VSIG1: variants seen among roughly 807,000 people sequenced by gnomAD.
The protein encoded by VSIG1 is V-set and immunoglobulin domain containing 1.
A neutral mutation model predicts 20.1 loss-of-function variants in VSIG1; 11 were observed. That is an observed-to-expected ratio of 0.55 (90% confidence interval 0.34 to 0.91). The LOEUF is 0.91. Ranked by LOEUF, VSIG1 falls within the 40% of genes least tolerant of loss-of-function variation. The pLI is 0.02. For missense variants in VSIG1, 283 were observed against 298.8 expected, an observed-to-expected ratio of 0.95 and a Z score of 0.39; for synonymous variants, 126 against 116.7, an observed-to-expected ratio of 1.08 and a Z score of -0.52.
chrX:108,043,800 AG>A (rs1489597687), upstream of VSIG1, among the ~76,000 whole-genome samples: 1 of 112,166 alleles, frequency 8.9e-6, no homozygotes, highest in Non-Finnish European at 1.9e-5. Context: ...TGTAAATTAA[AG>A]ACAGGAACAT....
chrX:108,076,049 T>C, intron 5 of VSIG1, 28 bp from the exon 6 acceptor site: 2 of 1,208,411 alleles, frequency 1.7e-6, no homozygotes, highest in Middle Eastern at 4.6e-4. Context: ...ATATTCCACT[T>C]TATTAACCAG....
the VSIG1 span, among the ~76,000 whole-genome samples, chrX:108,019,616 C>G: frequency 8.9e-6 from 1 of 112,187 alleles, no homozygotes; most frequent in Admixed American, 9.3e-5. Flanking sequence ...CTGTCCTTTG[C>G]ACATGAGAAT....
intron 2 of VSIG1, among the ~76,000 whole-genome samples, chrX:108,062,437 C>T (rs1015516790): frequency 8.1e-5 from 9 of 111,518 alleles, no homozygotes; most frequent in African/African-American, 2.9e-4. Context: ...AGTTCTTCCC[C>T]ACCCCACCAT....
At chrX:108,057,990 T>C (rs957466609) in intron 1 of VSIG1, 48 bp from the exon 2 acceptor site, 1 of 1,124,030 alleles carries the variant, frequency 8.9e-7, no homozygotes, top group Non-Finnish European at 1.2e-6. Flanking sequence ...AACAGTGTTA[T>C]CAGAATTTGA....
intron 1 of VSIG1, among the ~76,000 whole-genome samples, chrX:108,047,793 TATATATATATATATACATATATATATAC>T (rs1256423491): frequency 1.4e-5 from 1 of 72,458 alleles, no homozygotes; most frequent in Non-Finnish European, 2.5e-5. Flanking sequence ...TCTCTCTCTA[TATATATATATATATACATATATATATAC>T]ATATATATAC....
the VSIG1 span, among the ~76,000 whole-genome samples, chrX:108,029,547 T>A: frequency 4.5e-5 from 5 of 112,231 alleles, no homozygotes; most frequent in Non-Finnish European, 9.4e-5. Context: ...AGGCCATTAG[T>A]AAAGAATGTG....
chrX:108,033,650 C>T, the VSIG1 span, among the ~76,000 whole-genome samples: 1 of 111,172 alleles, frequency 9.0e-6, no homozygotes, highest in Non-Finnish European at 1.9e-5. Context: ...TCTGCCCTGC[C>T]CAGACGGGGC....
the VSIG1 span, among the ~76,000 whole-genome samples, chrX:108,025,007 T>C: frequency 3.6e-5 from 4 of 111,539 alleles, no homozygotes; most frequent in Admixed American, 9.5e-5. Flanking sequence ...TCCTTGGTGA[T>C]CTTCTCTCTG....
At chrX:108,076,020 C>T in intron 5 of VSIG1, 57 bp from the exon 6 acceptor site, 2 of 1,189,488 alleles carry the variant, frequency 1.7e-6, no homozygotes, top group Non-Finnish European at 2.3e-6. Flanking sequence ...GTCACAAACA[C>T]ACATTATAAA....
At chrX:108,050,230 C>G (rs1294531688) in intron 1 of VSIG1, among the ~76,000 whole-genome samples, 1 of 111,993 alleles carries the variant, frequency 8.9e-6, no homozygotes, top group Non-Finnish European at 1.9e-5. Flanking sequence ...TGACTGCTGT[C>G]ATTAAGTAAG....
At chrX:108,052,762 TTTG>T (rs974080525) in intron 1 of VSIG1, among the ~76,000 whole-genome samples, 16 of 112,310 alleles carry the variant, frequency 1.4e-4, no homozygotes, top group Non-Finnish European at 2.6e-4. Flanking sequence ...GCAATAATTA[TTTG>T]TTAATTAATT....
chrX:108,057,161 T>C (rs754038315), intron 1 of VSIG1, among the ~76,000 whole-genome samples: 32 of 112,531 alleles, frequency 2.8e-4, no homozygotes, highest in Middle Eastern at 4.6e-3. Flanking sequence ...CCATGATTCC[T>C]TGTATATAAC....
chrX:108,074,521 A>G (rs780671927), intron 5 of VSIG1, among the ~76,000 whole-genome samples: 1 of 111,356 alleles, frequency 9.0e-6, no homozygotes, highest in Non-Finnish European at 1.9e-5. Flanking sequence ...ACTGTGTTCC[A>G]GGGACTGTCC....
At chrX:108,027,148 T>A in the VSIG1 span, among the ~76,000 whole-genome samples, 3 of 111,623 alleles carry the variant, frequency 2.7e-5, no homozygotes, top group Non-Finnish European at 3.8e-5. Flanking sequence ...AGTTACCATA[T>A]GACCCAGCAT....
the VSIG1 span, among the ~76,000 whole-genome samples, chrX:108,020,735 T>G: frequency 8.9e-6 from 1 of 111,773 alleles, no homozygotes; most frequent in African/African-American, 3.3e-5. Context: ...AGATGGCGCC[T>G]TAATTAAGCT....
intron 1 of VSIG1, among the ~76,000 whole-genome samples, chrX:108,050,804 C>A (rs1028264836): frequency 9.0e-6 from 1 of 111,400 alleles, no homozygotes; most frequent in Admixed American, 9.5e-5. Context: ...TTTCATTGTT[C>A]CTCCCTGCTA....
chrX:108,074,273 A>G (rs1353119366), intron 5 of VSIG1, among the ~76,000 whole-genome samples: 2 of 111,724 alleles, frequency 1.8e-5, no homozygotes, highest in Non-Finnish European at 3.8e-5. Flanking sequence ...CTTTATTCTC[A>G]TATCACTTTC....
chrX:108,060,923 A>G (rs1320213104), intron 2 of VSIG1, among the ~76,000 whole-genome samples: 1 of 111,941 alleles, frequency 8.9e-6, no homozygotes, highest in Non-Finnish European at 1.9e-5. Context: ...ATCTAGAGGG[A>G]CTGACTCATG....
At chrX:108,050,704 A>C (rs1441413593) in intron 1 of VSIG1, among the ~76,000 whole-genome samples, 2 of 111,482 alleles carry the variant, frequency 1.8e-5, no homozygotes, top group Non-Finnish European at 3.8e-5. Context: ...TGTAAGGCCA[A>C]CAGTTCTCAA....
Sources: gnomAD v4.1 joint callset for allele counts (sites outside exome capture counted in the v4.1 genomes callset) on GRCh38, gnomAD v4.1.1 for gene constraint, MANE v1.5 for transcripts, NCBI Gene and HGNC (gene_info 2026-07-23, HGNC 2026-07-21) for gene names.